LYPLAL1: variants seen among roughly 807,000 people sequenced by gnomAD.
LYPLAL1 encodes the protein lysophospholipase-like protein 1.
LYPLAL1 carries 23 observed loss-of-function variants against 19.7 expected under a neutral mutation model. The ratio of observed to expected loss-of-function variants is 1.17; its 90% confidence interval spans 0.84 to 1.65. The LOEUF is 1.65. LYPLAL1 is among the 40% of genes most tolerant of loss of function. LYPLAL1 has a pLI of 0.00. For synonymous variants in LYPLAL1, 119 were observed against 96.3 expected (o/e 1.24, Z -1.38); for missense variants, 355 against 279.4 (o/e 1.27, Z -1.93).
chr1:219,289,080 T>TTTTG, the LYPLAL1 span, among the ~76,000 whole-genome samples: 2 of 150,046 alleles, frequency 1.3e-5, no homozygotes, highest in Non-Finnish European at 3.0e-5. Context: ...CTTGTTTTGT[T>TTTTG]TTTTTTGTTT....
At chr1:219,337,305 A>G in the LYPLAL1 span, among the ~76,000 whole-genome samples, 1 of 152,040 alleles carries the variant, frequency 6.6e-6, no homozygotes, top group South Asian at 2.1e-4. Context: ...CTATTATTCC[A>G]TCTAGCACAA....
the LYPLAL1 span, among the ~76,000 whole-genome samples, chr1:219,381,254 T>C: frequency 6.6e-6 from 1 of 152,180 alleles, no homozygotes; most frequent in African/African-American, 2.4e-5. Flanking sequence ...TGCTGCCATG[T>C]AAGAAGTCCC....
the LYPLAL1 span, among the ~76,000 whole-genome samples, chr1:219,445,168 C>T: frequency 6.6e-6 from 1 of 151,310 alleles, no homozygotes; most frequent in Non-Finnish European, 1.5e-5. Flanking sequence ...AGACCTGTTC[C>T]TATACTGTAA....
the LYPLAL1 span, among the ~76,000 whole-genome samples, chr1:219,386,232 C>T: frequency 1.3e-5 from 2 of 152,164 alleles, no homozygotes; most frequent in Non-Finnish European, 2.9e-5. Context: ...CCTTGACATT[C>T]TGACAAATCT....
the LYPLAL1 span, among the ~76,000 whole-genome samples, chr1:219,384,576 C>T: frequency 6.6e-6 from 1 of 152,140 alleles, no homozygotes; most frequent in Non-Finnish European, 1.5e-5. Flanking sequence ...ATAAAATCCA[C>T]AAATTAGGTC....
chr1:219,204,005 T>C (rs1658337532), intron 3 of LYPLAL1, among the ~76,000 whole-genome samples: 1 of 152,108 alleles, frequency 6.6e-6, no homozygotes, highest in South Asian at 2.1e-4. Flanking sequence ...ACTGCTTTCT[T>C]AATAGAAAAA....
chr1:219,377,776 AC>A, the LYPLAL1 span, among the ~76,000 whole-genome samples: 1 of 152,190 alleles, frequency 6.6e-6, no homozygotes, highest in Non-Finnish European at 1.5e-5. Context: ...CCCGACTCTT[AC>A]ATCTTGTTCT....
the LYPLAL1 span, among the ~76,000 whole-genome samples, chr1:219,219,769 T>G: frequency 6.6e-6 from 1 of 152,088 alleles, no homozygotes; most frequent in African/African-American, 2.4e-5. Flanking sequence ...CAAGCCCAGG[T>G]GTGGTACAGG....
At chr1:219,366,805 T>C in the LYPLAL1 span, among the ~76,000 whole-genome samples, 2 of 152,050 alleles carry the variant, frequency 1.3e-5, no homozygotes, top group African/African-American at 2.4e-5. Flanking sequence ...GGACCAATTA[T>C]ACACTCTAGT....
intron 3 of LYPLAL1, chr1:219,198,820 G>A (rs1572191055): frequency 6.6e-6 from 1 of 151,970 alleles, no homozygotes; most frequent in African/African-American, 2.4e-5. Flanking sequence ...GATATAGTTG[G>A]TTAAGTTGAA....
At chr1:219,399,266 C>T in the LYPLAL1 span, among the ~76,000 whole-genome samples, 6 of 152,244 alleles carry the variant, frequency 3.9e-5, no homozygotes, top group African/African-American at 1.4e-4. Flanking sequence ...TGTGCATTCT[C>T]AGTGTACTAC....
chr1:219,429,384 G>A, the LYPLAL1 span, among the ~76,000 whole-genome samples: 25 of 152,318 alleles, frequency 1.6e-4, no homozygotes, highest in Non-Finnish European at 2.2e-4. Flanking sequence ...CCAGCAGGGC[G>A]CAGTGGCTCA....
At chr1:219,436,484 A>G in the LYPLAL1 span, among the ~76,000 whole-genome samples, 2 of 151,810 alleles carry the variant, frequency 1.3e-5, no homozygotes, top group Non-Finnish European at 2.9e-5. Flanking sequence ...GGCCCTTGGC[A>G]CTCCACCTAT....
At chr1:219,306,718 G>A in the LYPLAL1 span, among the ~76,000 whole-genome samples, 17 of 146,078 alleles carry the variant, frequency 1.2e-4, no homozygotes, top group African/African-American at 4.3e-4. Context: ...AGATATATAG[G>A]TAGGTAGGTA....
intron 3 of LYPLAL1, among the ~76,000 whole-genome samples, chr1:219,197,263 C>T (rs1273457101): frequency 2.6e-5 from 4 of 152,136 alleles, no homozygotes. Flanking sequence ...CAGCATGGCA[C>T]TGGTACAAAA....
the LYPLAL1 span, among the ~76,000 whole-genome samples, chr1:219,439,998 T>TATATATATATATACACACAC: frequency 4.1e-5 from 3 of 73,712 alleles, no homozygotes; most frequent in Admixed American, 1.4e-4. Flanking sequence ...TATACACACA[T>TATATATATATATACACACAC]ATATATATAT....
chr1:219,374,422 C>CA, the LYPLAL1 span, among the ~76,000 whole-genome samples: 1 of 151,958 alleles, frequency 6.6e-6, no homozygotes, highest in Non-Finnish European at 1.5e-5. Context: ...AGAAAGGAGG[C>CA]AAAAACTTCC....
chr1:219,306,787 T>TAGATAGATAGAC, the LYPLAL1 span, among the ~76,000 whole-genome samples: 1 of 142,374 alleles, frequency 7.0e-6, no homozygotes, highest in Non-Finnish European at 1.5e-5. Flanking sequence ...GATAGATAGA[T>TAGATAGATAGAC]ACATAGACAG....
the LYPLAL1 span, among the ~76,000 whole-genome samples, chr1:219,439,589 A>C: frequency 6.6e-6 from 1 of 152,192 alleles, no homozygotes; most frequent in East Asian, 1.9e-4. Context: ...TATTAGATAT[A>C]TCAAAATAGT....
Sources: allele counts gnomAD v4.1 joint callset (sites outside exome capture counted in the v4.1 genomes callset), GRCh38; gene constraint gnomAD v4.1.1; transcripts MANE v1.5; gene names NCBI Gene and HGNC (gene_info 2026-07-23, HGNC 2026-07-21).